RPS6KA2: variants seen among roughly 807,000 people sequenced by gnomAD.
The protein encoded by RPS6KA2 is ribosomal protein S6 kinase A2, also known as ribosomal protein S6 kinase alpha-2.
Under a neutral mutation model 91.8 loss-of-function variants are expected in RPS6KA2, and 42 were observed. That is an observed-to-expected ratio of 0.46 (90% CI 0.36 to 0.59). The LOEUF (loss-of-function observed/expected upper bound fraction) is 0.59. Ranked by LOEUF, RPS6KA2 falls within the 20% of genes least tolerant of loss-of-function variation. The pLI, the probability that RPS6KA2 is intolerant of heterozygous loss-of-function variation, is 0.00. For synonymous variants in RPS6KA2, 414 were observed against 393.6 expected, an observed-to-expected ratio of 1.05 and a Z score of -0.61; for missense variants, 798 against 978.5, an observed-to-expected ratio of 0.82 and a Z score of 2.46.
intron 2 of RPS6KA2, among the ~76,000 whole-genome samples, chr6:166,638,218 C>T (rs1011742153): frequency 2.6e-5 from 4 of 152,240 alleles, no homozygotes; most frequent in South Asian, 2.1e-4. Flanking sequence ...CTCCAAGGAG[C>T]GCAAGCTCGC....
intron 2 of RPS6KA2, among the ~76,000 whole-genome samples, chr6:166,744,360 G>A (rs9459736): frequency 0.12 from 9,391 of 75,772 alleles, 973 homozygotes; most frequent in African/African-American, 0.49. Flanking sequence ...TGCTGGCCTC[G>A]CCGCAGACCT....
intron 2 of RPS6KA2, among the ~76,000 whole-genome samples, chr6:166,686,558 T>A (rs1789022826): frequency 6.6e-6 from 1 of 152,210 alleles, no homozygotes; most frequent in Non-Finnish European, 1.5e-5. Context: ...TCAGTGCATC[T>A]GATCCTGCAG....
chr6:166,423,420 G>C lies in RPS6KA2; in HGVS notation c.1582-3C>G. On this transcript the variant is annotated splice_region_variant and splice_polypyrimidine_tract_variant and intron_variant, in intron 16 of 20. Coordinates refer to ENST00000265678, the MANE Select transcript of RPS6KA2 (RefSeq NM_021135.6). The surrounding 1 kb of genome is among the most constrained non-coding windows in gnomAD (Gnocchi z 4.8). ...GGCTTCAGGTCTCGATGAACAACCTGCAAGACAGAAGGCACAGTGCCTACT... is the reference window on the plus strand; with the variant it reads ...GGCTTCAGGTCTCGATGAACAACCTCCAAGACAGAAGGCACAGTGCCTACT... 6.2e-7 allele frequency: 1 copy of C among 1,605,634 alleles called. No homozygotes were observed.
intron 2 of RPS6KA2, among the ~76,000 whole-genome samples, chr6:166,656,625 A>G (rs1788009918): frequency 6.6e-6 from 1 of 152,228 alleles, no homozygotes; most frequent in African/African-American, 2.4e-5. Flanking sequence ...TGGAAAGACC[A>G]TATGAAGCAG....
At position 166,459,694 on chromosome 6, in the gene RPS6KA2, C is replaced by A; in HGVS notation, c.973-143G>T. On this transcript the variant is annotated intron_variant, in intron 11 of 20. Coordinates refer to ENST00000265678, the MANE Select transcript of RPS6KA2 (RefSeq NM_021135.6). The surrounding 1 kb of genome is among the most constrained non-coding windows in gnomAD (Gnocchi z 4.9). ...TGGCCTTGTGGATTACAAGGGATTT[C>A]TAAATACTCTGAAATATAGATGGCA... is the stretch of plus-strand genomic sequence containing the variant. 1.7e-6 allele frequency: 1 copy of A among 601,520 alleles called. No individual in the cohort carries two copies. Among genetic ancestry groups the A allele is most frequent in the Non-Finnish European group, 3.0e-6 (1 of 334,994 alleles). 37.3% of individuals were successfully genotyped at this position (601,520 alleles called of 1,614,324 possible).
rs946913659 is a variant in RPS6KA2, at chr6:166,648,533, A to G, written c.124-109749T>C. Among the ~76,000 whole-genome samples, 4 of 152,200 alleles carry G rather than the reference A, an allele frequency of 2.6e-5. No homozygotes were observed. Among genetic ancestry groups the G allele is most frequent in the Non-Finnish European group, 5.9e-5 (4 of 68,028 alleles). On this transcript the variant is annotated intron_variant, in intron 2 of 21. Transcript: ENST00000503859. The surrounding 1 kb of genome is among the most constrained non-coding windows in gnomAD (Gnocchi z 4.8). ...CACGGGAAGGGGACGGGCATTTAAT[A>G]AATGTTTCTGGATTGAACACGTGAG...
chr6:166,468,821 G>T (rs1174974857), intron 11 of RPS6KA2, among the ~76,000 whole-genome samples: 3 of 130,572 alleles, frequency 2.3e-5, no homozygotes, highest in African/African-American at 9.0e-5. Flanking sequence ...CCGAGATCGC[G>T]CCACTGCACT....
chr6:166,483,274 T>C (rs1781297014), intron 10 of RPS6KA2, among the ~76,000 whole-genome samples: 2 of 152,156 alleles, frequency 1.3e-5, no homozygotes, highest in Admixed American at 6.5e-5. Flanking sequence ...ACAGGGCCCA[T>C]GGCTGTGCAG....
chr6:166,491,131 G>A (rs1781574090), intron 8 of RPS6KA2, among the ~76,000 whole-genome samples: 1 of 152,204 alleles, frequency 6.6e-6, no homozygotes, highest in South Asian at 2.1e-4. Flanking sequence ...AGGAGGAGGA[G>A]GAGGAGAACA....
In RPS6KA2 at chr6:166,648,081, GTCATACACACACGC is replaced by G. The variant is rs1175842509; in HGVS notation, c.124-109311_124-109298del. ...GCTCACACACATGCACACGCACATG[GTCATACACACACGC>G]TCATACACACACGTGCACACACACG... On this transcript the variant is annotated intron_variant, in intron 2 of 21. Coordinates refer to the RPS6KA2 transcript ENST00000503859. This position sits in a 1 kb window ranked among gnomAD's most constrained non-coding sequence, Gnocchi z 4.8. Among the ~76,000 whole-genome samples the G allele has an allele frequency of 9.3e-5, 12 of 129,032 alleles. No homozygotes were observed. The South Asian group carries it at 2.5e-3, about 27-fold the overall frequency. 84.7% of individuals were successfully genotyped at this position (129,032 alleles called of 152,430 possible). A position where few individuals can be genotyped will look rare whatever the true frequency, so the allele number is the denominator to read the frequency against.
In RPS6KA2 at chr6:166,459,208, A is replaced by C. The variant is rs765635204; in HGVS notation, c.1075+241T>G. Among the ~76,000 whole-genome samples, 1 of 152,184 alleles carries C rather than the reference A, an allele frequency of 6.6e-6. No individual in the cohort carries two copies. The highest frequency in any genetic ancestry group is 1.5e-5 in the Non-Finnish European group (1 of 68,044). On this transcript the variant is annotated intron_variant, in intron 12 of 20. Transcript: ENST00000265678. This position sits in a 1 kb window ranked among gnomAD's most constrained non-coding sequence, Gnocchi z 4.9. ...GGAAGTAACTGGACCGGTGTCTTGGAATAAGGATACCTTCATCATTTCCAA... is the reference window on the plus strand; with the variant it reads ...GGAAGTAACTGGACCGGTGTCTTGGCATAAGGATACCTTCATCATTTCCAA...
At chr6:166,483,651 A>G (rs1431699584) in intron 10 of RPS6KA2, among the ~76,000 whole-genome samples, 1 of 152,226 alleles carries the variant, frequency 6.6e-6, no homozygotes, top group Admixed American at 6.5e-5. Flanking sequence ...AAGCTCATAC[A>G]TGGTCTTCTC....
At chr6:166,827,637 T>C (rs1780083281) in intron 2 of RPS6KA2, among the ~76,000 whole-genome samples, 1 of 152,228 alleles carries the variant, frequency 6.6e-6, no homozygotes, top group African/African-American at 2.4e-5. Context: ...TGTTGCGTAC[T>C]GAAAATTTGC....
chr6:166,519,077 A>G (rs1246618357), intron 3 of RPS6KA2, among the ~76,000 whole-genome samples: 1 of 152,250 alleles, frequency 6.6e-6, no homozygotes, highest in Non-Finnish European at 1.5e-5. Context: ...CAGTGAAAGC[A>G]AATGTTTCAT....
At chr6:166,599,373 A>G (rs1185539433) in intron 1 of RPS6KA2, among the ~76,000 whole-genome samples, 1 of 152,216 alleles carries the variant, frequency 6.6e-6, no homozygotes, top group Non-Finnish European at 1.5e-5. Context: ...GGTTTTCAGG[A>G]AGAATTTAAC....
chr6:166,454,322 G>A (rs1780016437), intron 12 of RPS6KA2, among the ~76,000 whole-genome samples: 2 of 152,034 alleles, frequency 1.3e-5, no homozygotes, highest in Non-Finnish European at 2.9e-5. Flanking sequence ...ACATGGTGAA[G>A]CCCTGTCTCT....
At chr6:166,765,021 G>A (rs557978263) in intron 2 of RPS6KA2, among the ~76,000 whole-genome samples, 255 of 152,332 alleles carry the variant, frequency 1.7e-3, no homozygotes, top group African/African-American at 5.8e-3. Flanking sequence ...GGGTGACCCC[G>A]CCTGGGTCTC....
intron 2 of RPS6KA2, among the ~76,000 whole-genome samples, chr6:166,771,351 A>G (rs1016808031): frequency 6.6e-6 from 1 of 152,184 alleles, no homozygotes; most frequent in African/African-American, 2.4e-5. Context: ...TTTCATCTTC[A>G]TCTGTAATAC....
At chr6:166,472,719 G>A (rs1780817010) in intron 10 of RPS6KA2, among the ~76,000 whole-genome samples, 1 of 152,150 alleles carries the variant, frequency 6.6e-6, no homozygotes, top group Non-Finnish European at 1.5e-5. Context: ...GACGGTGAGT[G>A]GAGTTCTGGG....
Sources: gnomAD v4.1 joint callset for allele counts (sites outside exome capture counted in the v4.1 genomes callset) on GRCh38, gnomAD v4.1.1 for gene constraint, Gnocchi (gnomAD v3.1) non-coding constraint, MANE v1.5 for transcripts, NCBI Gene and HGNC (gene_info 2026-07-23, HGNC 2026-07-21) for gene names.